The following FA2H variants were observed in gnomAD, a reference collection of about 807,000 sequenced individuals.
The protein encoded by FA2H is fatty acid alpha-hydroxylase.
FA2H carries 22 observed loss-of-function variants against 44.9 expected under a neutral mutation model. That is an observed-to-expected ratio of 0.49 (90% CI 0.35 to 0.70). The LOEUF (loss-of-function observed/expected upper bound fraction) is 0.70. FA2H is among the 30% of genes least tolerant of loss of function. The probability of loss-of-function intolerance (pLI) is 0.01; values close to 1 mark genes in which losing one functional copy is unlikely to be tolerated. For missense variants in FA2H, 501 were observed against 504.9 expected (o/e 0.99, Z 0.07); for synonymous variants, 243 against 213.2 (o/e 1.14, Z -1.22).
intron 1 of FA2H, among the ~76,000 whole-genome samples, chr16:74,744,182 C>A (rs574887274): frequency 1.1e-4 from 16 of 152,222 alleles, no homozygotes; most frequent in Admixed American, 5.2e-4. Flanking sequence ...ATAGTTGAGC[C>A]AGCTCACCCT....
At position 74,758,562 on chromosome 16, in the gene FA2H, G is replaced by A. The variant is rs145568040; in HGVS notation, c.270+15924C>T. 2.8e-3 allele frequency among the ~76,000 whole-genome samples: 424 copies of A among 151,890 alleles called. 3 individuals are homozygous for A. The highest frequency in any genetic ancestry group is 9.6e-3 in the African/African-American group (398 of 41,276). On this transcript the variant is annotated intron_variant, in intron 1 of 6. Coordinates refer to ENST00000219368, the MANE Select transcript of FA2H (RefSeq NM_024306.5). ...TTCCCTGAACAAACAGAATACTGCA[G>A]AATGTGATAAAACTTTGACATCAAT...
intron 1 of FA2H, among the ~76,000 whole-genome samples, chr16:74,748,859 T>C (rs1962478288): frequency 1.3e-5 from 2 of 152,202 alleles, no homozygotes. Flanking sequence ...TGGCCTTTTA[T>C]CCCATAGCCT....
intron 2 of FA2H, among the ~76,000 whole-genome samples, chr16:74,737,842 C>G (rs1597554406): frequency 6.6e-6 from 1 of 152,204 alleles, no homozygotes; most frequent in Admixed American, 6.5e-5. Context: ...ATCCAAAAGA[C>G]CTACCCCAGC....
At chr16:74,725,761 T>G (rs1961939711) in intron 4 of FA2H, among the ~76,000 whole-genome samples, 1 of 152,174 alleles carries the variant, frequency 6.6e-6, no homozygotes, top group Non-Finnish European at 1.5e-5. Context: ...GCCTGAGCCT[T>G]TGCCTTGGAC....
rs528121279 is a variant in FA2H, at chr16:74,716,688, C to T, written c.787-89G>A. On this transcript the variant is annotated intron_variant, in intron 5 of 6. Transcript: ENST00000219368. Reference sequence around the variant, plus strand: ...GGCCACTCCCTGCAGAGGACAGGGGCACAGCGGCCCAGACATTCCACTGCG... The same window carrying T: ...GGCCACTCCCTGCAGAGGACAGGGGTACAGCGGCCCAGACATTCCACTGCG... The T allele has an allele frequency of 1.3e-4, 177 of 1,415,894 alleles. No homozygotes were observed. In the African/African-American group the frequency reaches 2.4e-3, roughly 19 times the overall value. The allele number at this position is 1,415,894 out of a possible 1,614,324, so 87.7% of individuals were successfully genotyped here.
chr16:74,738,842 A>C (rs566407378), intron 2 of FA2H, among the ~76,000 whole-genome samples: 1 of 152,216 alleles, frequency 6.6e-6, no homozygotes. Flanking sequence ...CGCCGGCTGC[A>C]TGGCCGGGCA....
chr16:74,758,384 T>G (rs1962651238), intron 1 of FA2H, among the ~76,000 whole-genome samples: 1 of 151,590 alleles, frequency 6.6e-6, no homozygotes, highest in Admixed American at 6.6e-5. Context: ...CCTCCTAAAA[T>G]GCTGGGATTA....
intron 2 of FA2H, among the ~76,000 whole-genome samples, chr16:74,729,238 G>A (rs1458991661): frequency 1.3e-5 from 2 of 152,026 alleles, no homozygotes; most frequent in African/African-American, 2.4e-5. Context: ...TCAATCTCCC[G>A]ATCCTCGTGA....
At position 74,718,298 on chromosome 16, in the gene FA2H, G is replaced by T. The variant is rs183019164; in HGVS notation, c.786+690C>A. Reference sequence around the variant, plus strand: ...ATTTATGCCCAGCAGAGAACAGAGTGTGGAGACGGGCTGGGGAACAGCCTG... The same window carrying T: ...ATTTATGCCCAGCAGAGAACAGAGTTTGGAGACGGGCTGGGGAACAGCCTG... On this transcript the variant is annotated intron_variant, in intron 5 of 6. Transcript: ENST00000219368. Among the ~76,000 whole-genome samples, 375 of 152,342 alleles carry T rather than the reference G, an allele frequency of 2.5e-3. 1 individual carries two copies. Among genetic ancestry groups the T allele is most frequent in the African/African-American group, 8.3e-3 (346 of 41,564 alleles).
intron 1 of FA2H, among the ~76,000 whole-genome samples, chr16:74,760,960 G>T (rs754218303): frequency 6.6e-6 from 1 of 152,136 alleles, no homozygotes; most frequent in African/African-American, 2.4e-5. Flanking sequence ...TCTATGGGGC[G>T]GGGTGGGAGG....
At chr16:74,772,039 C>G (rs1962918874) in intron 1 of FA2H, among the ~76,000 whole-genome samples, 1 of 151,964 alleles carries the variant, frequency 6.6e-6, no homozygotes, top group Admixed American at 6.6e-5. Flanking sequence ...CAACCTCCAC[C>G]TCCCGGGCTC....
chr16:74,767,090 C>T (rs1567651602), intron 1 of FA2H, among the ~76,000 whole-genome samples: 1 of 152,038 alleles, frequency 6.6e-6, no homozygotes, highest in African/African-American at 2.4e-5. Context: ...GCAGGCAAAT[C>T]GCGAGGTTAA....
At chr16:74,714,356 G>C in intron 6 of FA2H, 87 bp from the exon 7 acceptor site, 2 of 840,516 alleles carry the variant, frequency 2.4e-6, no homozygotes, top group Non-Finnish European at 4.0e-6. Context: ...GTAGGGATAA[G>C]AGGTGGAGAC....
intron 1 of FA2H, among the ~76,000 whole-genome samples, chr16:74,767,074 G>C (rs1178245812): frequency 6.6e-6 from 1 of 152,178 alleles, no homozygotes; most frequent in Non-Finnish European, 1.5e-5. Flanking sequence ...ACTTTGGGAG[G>C]CTGAGGCAGG....
At chr16:74,758,961 A>C (rs11640870) in intron 1 of FA2H, among the ~76,000 whole-genome samples, 81,698 of 151,868 alleles carry the variant, frequency 0.54, 22,662 homozygotes, top group African/African-American at 0.66. Flanking sequence ...CCTACAAACT[A>C]TGCTCTCATC....
At chr16:74,750,464 C>G (rs1386752630) in intron 1 of FA2H, among the ~76,000 whole-genome samples, 1 of 152,054 alleles carries the variant, frequency 6.6e-6, no homozygotes, top group African/African-American at 2.4e-5. Flanking sequence ...TTGTTCTTGC[C>G]ACTGTTTACA....
chr16:74,740,198 C>T, intron 1 of FA2H, 83 bp from the exon 2 acceptor site: 1 of 1,150,216 alleles, frequency 8.7e-7, no homozygotes, highest in Non-Finnish European at 1.3e-6. Flanking sequence ...GAAGAGGCAG[C>T]CAGGAGTGGT....
chr16:74,774,534 G>A lies in FA2H; in HGVS notation c.222C>T (p.Arg74=). Residue 74 remains arginine (R), a synonymous_variant, in exon 1 of 7, where the codon CGC becomes CGT. Coordinates refer to ENST00000219368, the MANE Select transcript of FA2H (RefSeq NM_024306.5). ...GPPHRHSANA[R]RWLEQYYVGE... Reference sequence around the variant, plus strand: ...CCACGTAGTACTGCTCCAGCCAGCGGCGCGCGTTGGCCGAGTGCCTGTGCG... The same window carrying A: ...CCACGTAGTACTGCTCCAGCCAGCGACGCGCGTTGGCCGAGTGCCTGTGCG... 3 of 1,545,092 alleles carry A rather than the reference G, an allele frequency of 1.9e-6. No individual in the cohort carries two copies. The highest frequency in any genetic ancestry group is 2.6e-6 in the Non-Finnish European group (3 of 1,155,496).
intron 1 of FA2H, among the ~76,000 whole-genome samples, chr16:74,740,521 G>A (rs12925733): frequency 0.28 from 41,420 of 150,608 alleles, 5,966 homozygotes; most frequent in East Asian, 0.47. Context: ...TCAGGAGGCT[G>A]AGGCAGAAGA....
Sources: gnomAD v4.1 joint callset for allele counts (sites outside exome capture counted in the v4.1 genomes callset) on GRCh38, gnomAD v4.1.1 for gene constraint, MANE v1.5 for transcripts, NCBI Gene and HGNC (gene_info 2026-07-23, HGNC 2026-07-21) for gene names.